Variants in TEX9 observed in about 807,000 individuals in gnomAD.
The protein encoded by TEX9 is testis expressed 9, also known as testis-expressed protein 9.
TEX9 carries 74 observed loss-of-function variants against 59.6 expected under a neutral mutation model. The observed-to-expected ratio is 1.24, with a 90% CI of 1.03 to 1.51. TEX9 has a LOEUF of 1.51. Among genes scored for constraint, TEX9 ranks in the 40% most tolerant of loss-of-function variants. TEX9 has a pLI of 0.00. For synonymous variants in TEX9, 186 were observed against 152.2 expected, an observed-to-expected ratio of 1.22 and a Z score of -1.64; for missense variants, 522 against 447.8, an observed-to-expected ratio of 1.17 and a Z score of -1.49.
At chr15:56,275,424 C>T (rs529899460) in intron 1 of TEX9, among the ~76,000 whole-genome samples, 7 of 152,154 alleles carry the variant, frequency 4.6e-5, no homozygotes, top group Admixed American at 2.0e-4. Context: ...ATCTTTCTAA[C>T]GAACACCTCA....
At chr15:56,310,169 C>T (rs569462834) in intron 1 of TEX9, among the ~76,000 whole-genome samples, 3 of 152,274 alleles carry the variant, frequency 2.0e-5, no homozygotes, top group South Asian at 2.1e-4. Context: ...CACTGGCTCA[C>T]GCCTGTAATC....
In TEX9 at chr15:56,389,125, C is replaced by A. The variant is rs2048092605; in HGVS notation, c.313-193C>A. ...ACTCATTTTCCTTATACTTGAATTT[C>A]TTGGTTTTGGTGTTATCTAGGTCTT... On this transcript the variant is annotated intron_variant, in intron 5 of 12. Coordinates refer to ENST00000352903, the Ensembl canonical transcript of TEX9. Among the ~76,000 whole-genome samples, 5 of 151,994 alleles carry A rather than the reference C, an allele frequency of 3.3e-5. No homozygotes were observed. In the South Asian group the frequency reaches 1.0e-3, roughly 31 times the overall value.
intron 3 of TEX9, among the ~76,000 whole-genome samples, chr15:56,375,326 T>C (rs2047386914): frequency 6.6e-6 from 1 of 152,218 alleles, no homozygotes; most frequent in African/African-American, 2.4e-5. Context: ...TTGAGAAGTG[T>C]CTGTTCATTT....
At chr15:56,337,417 A>G (rs1300263522) in intron 1 of TEX9, among the ~76,000 whole-genome samples, 3 of 152,202 alleles carry the variant, frequency 2.0e-5, no homozygotes, top group African/African-American at 7.2e-5. Flanking sequence ...AGTAATTCAA[A>G]GTATAAGCTG....
chr15:56,356,919 C>T (rs2046695338), intron 1 of TEX9, among the ~76,000 whole-genome samples: 1 of 152,002 alleles, frequency 6.6e-6, no homozygotes, highest in Non-Finnish European at 1.5e-5. Flanking sequence ...TCCTGTCTCA[C>T]TGGCTAGGAC....
intron 1 of TEX9, among the ~76,000 whole-genome samples, chr15:56,275,475 G>T (rs140417591): frequency 2.0e-5 from 3 of 152,098 alleles, no homozygotes; most frequent in African/African-American, 4.8e-5. Context: ...GTGCAAATTC[G>T]TGTCATGTAC....
At chr15:56,350,402 A>G (rs997745049) in intron 1 of TEX9, among the ~76,000 whole-genome samples, 3 of 152,350 alleles carry the variant, frequency 2.0e-5, no homozygotes, top group African/African-American at 2.4e-5. Context: ...TAAGGATTCC[A>G]GAAACAGCAA....
At chr15:56,358,749 G>A (rs552938655) in intron 1 of TEX9, among the ~76,000 whole-genome samples, 6 of 152,244 alleles carry the variant, frequency 3.9e-5, no homozygotes, top group Middle Eastern at 6.8e-3. Context: ...TAATCCCCAC[G>A]TGTTAAGAGA....
At chr15:56,284,715 A>G (rs1260113226) in intron 1 of TEX9, among the ~76,000 whole-genome samples, 1 of 152,082 alleles carries the variant, frequency 6.6e-6, no homozygotes, top group African/African-American at 2.4e-5. Flanking sequence ...AAATTGCTGT[A>G]GCTATTTCAC....
At chr15:56,277,596 G>T (rs1414456764) in intron 1 of TEX9, among the ~76,000 whole-genome samples, 1 of 152,198 alleles carries the variant, frequency 6.6e-6, no homozygotes, top group Non-Finnish European at 1.5e-5. Context: ...TTGAAGTCAG[G>T]TAGCATGTTG....
At chr15:56,259,735 T>C (rs1450646967) in intron 1 of TEX9, among the ~76,000 whole-genome samples, 1 of 152,114 alleles carries the variant, frequency 6.6e-6, no homozygotes, top group African/African-American at 2.4e-5. Context: ...CATTTCCATA[T>C]AACTTTTTGA....
Position 56,444,531 on chromosome 15 carries a change from T to C in TEX9, c.*30-1140T>C, listed in dbSNP as rs746157633. The C allele has an allele frequency of 3.7e-6, 6 of 1,612,786 alleles. 1 individual carries two copies. Among genetic ancestry groups the C allele is most frequent in the Admixed American group, 3.3e-5 (2 of 59,920 alleles). On this transcript the variant is annotated intron_variant, in intron 12 of 12. Transcript: ENST00000352903. ...CTGCTCATAAGCTTCCTGCTTTTTT[T>C]TTTCTTGTTCTTCAAGTTGTTTCTC...
intron 1 of TEX9, among the ~76,000 whole-genome samples, chr15:56,283,548 AG>A (rs1285758318): frequency 2.6e-5 from 4 of 152,198 alleles, no homozygotes; most frequent in African/African-American, 9.6e-5. Flanking sequence ...GCAATTGTTT[AG>A]CAATTTGGGG....
chr15:56,444,653 G>A, intron 12 of TEX9: 2 of 1,610,184 alleles, frequency 1.2e-6, no homozygotes, highest in Non-Finnish European at 1.7e-6. Context: ...TCATGGTTTT[G>A]GCTATTTCAG....
chr15:56,279,909 A>G (rs1306713853), intron 1 of TEX9, among the ~76,000 whole-genome samples: 1 of 152,246 alleles, frequency 6.6e-6, no homozygotes, highest in Non-Finnish European at 1.5e-5. Context: ...TCAACTGTAC[A>G]ATGGTTTGAA....
intron 10 of TEX9, among the ~76,000 whole-genome samples, chr15:56,421,072 G>A (rs1304909989): frequency 6.6e-6 from 1 of 151,788 alleles, no homozygotes; most frequent in Non-Finnish European, 1.5e-5. Context: ...GCTTGATAGT[G>A]TTGTTCAATA....
exon 6 of TEX9, chr15:56,389,325 C>A (rs1483089727): frequency 6.2e-7 from 1 of 1,610,264 alleles, no homozygotes. Context: ...TAGCCAAAGA[C>A]CAAAAACATT....
At chr15:56,419,095 C>T (rs1196433894) in intron 10 of TEX9, among the ~76,000 whole-genome samples, 1 of 151,734 alleles carries the variant, frequency 6.6e-6, no homozygotes, top group African/African-American at 2.4e-5. Flanking sequence ...TATATAGTTT[C>T]CAGAATACAG....
chr15:56,273,943 T>C (rs1269368461), intron 1 of TEX9, among the ~76,000 whole-genome samples: 1 of 152,214 alleles, frequency 6.6e-6, no homozygotes, highest in Non-Finnish European at 1.5e-5. Flanking sequence ...ATCCTGCTTA[T>C]GGTTCTCTGA....
Sources: allele counts gnomAD v4.1 joint callset (sites outside exome capture counted in the v4.1 genomes callset), GRCh38; gene constraint gnomAD v4.1.1; transcripts MANE v1.5; gene names NCBI Gene and HGNC (gene_info 2026-07-23, HGNC 2026-07-21).